Variants in SOCS2 observed in about 807,000 individuals in gnomAD.
SOCS2 encodes CIS-2.
SOCS2 carries 10 observed loss-of-function variants against 18.6 expected under a neutral mutation model. That is an observed-to-expected ratio of 0.54 (90% CI 0.33 to 0.91). The LOEUF (loss-of-function observed/expected upper bound fraction) is 0.91. Ranked by LOEUF, SOCS2 falls within the 40% of genes least tolerant of loss-of-function variation. The pLI, the probability that SOCS2 is intolerant of heterozygous loss-of-function variation, is 0.02. For synonymous variants in SOCS2, 104 were observed against 104.0 expected (o/e 1.00, Z 0.00); for missense variants, 231 against 247.2 (o/e 0.93, Z 0.44).
chr12:93,590,251 A>G, the SOCS2 span, among the ~76,000 whole-genome samples: 1 of 151,948 alleles, frequency 6.6e-6, no homozygotes, highest in Non-Finnish European at 1.5e-5. Context: ...AAAAAAGAAT[A>G]AGCAAGTACT....
chr12:93,601,511 G>A, the SOCS2 span, among the ~76,000 whole-genome samples: 19 of 152,076 alleles, frequency 1.2e-4, no homozygotes, highest in Admixed American at 1.2e-3. Context: ...ATTTCACCAT[G>A]TTGGCCAGGT....
chr12:93,599,900 A>C, the SOCS2 span, among the ~76,000 whole-genome samples: 1 of 152,204 alleles, frequency 6.6e-6, no homozygotes, highest in Non-Finnish European at 1.5e-5. Flanking sequence ...AAAATTCTTC[A>C]TATGTTACCC....
the SOCS2 span, among the ~76,000 whole-genome samples, chr12:93,614,536 C>CTTCCTTCTTTCTTTCT: frequency 1.6e-5 from 1 of 60,920 alleles, no homozygotes; most frequent in Non-Finnish European, 2.7e-5. Context: ...TCCTTCCTTC[C>CTTCCTTCTTTCTTTCT]TTCCTTCTTT....
At chr12:93,572,637 G>T (rs1266616966), upstream of SOCS2, 1 of 585,402 alleles carries the variant, frequency 1.7e-6, no homozygotes, top group Non-Finnish European at 3.2e-6. The surrounding 1 kb of genome is among the most constrained non-coding windows in gnomAD (Gnocchi z 5.0). Flanking sequence ...CACCCCAGCC[G>T]CAGGGGTCCA....
chr12:93,608,497 C>T, the SOCS2 span, among the ~76,000 whole-genome samples: 9 of 152,186 alleles, frequency 5.9e-5, no homozygotes, highest in African/African-American at 1.9e-4. Flanking sequence ...TTCAGGATGA[C>T]ATCACTTACT....
chr12:93,581,326 T>A (rs1954536331), downstream of SOCS2, among the ~76,000 whole-genome samples: 1 of 152,192 alleles, frequency 6.6e-6, no homozygotes, highest in African/African-American at 2.4e-5. Flanking sequence ...AATTGAGACC[T>A]CATTAGGGTA....
the SOCS2 span, among the ~76,000 whole-genome samples, chr12:93,602,236 C>A: frequency 6.6e-6 from 1 of 152,062 alleles, no homozygotes; most frequent in African/African-American, 2.4e-5. Flanking sequence ...CAGGTGTGTG[C>A]CACTCCACCT....
chr12:93,572,443 C>T (rs972510230), upstream of SOCS2: 12 of 352,488 alleles, frequency 3.4e-5, no homozygotes, highest in Non-Finnish European at 5.0e-5. This position sits in a 1 kb window ranked among gnomAD's most constrained non-coding sequence, Gnocchi z 5.0. Context: ...GGGAAGACAC[C>T]CTGTTCACCC....
the SOCS2 span, among the ~76,000 whole-genome samples, chr12:93,593,478 A>C: frequency 6.6e-6 from 1 of 152,252 alleles, no homozygotes; most frequent in African/African-American, 2.4e-5. Context: ...TTAAATTAAA[A>C]TCAAATTTTA....
At chr12:93,606,385 A>G in the SOCS2 span, among the ~76,000 whole-genome samples, 7,596 of 152,168 alleles carry the variant, frequency 0.05, 441 homozygotes, top group African/African-American at 0.14. Flanking sequence ...CCCATTCAAC[A>G]CATCAGAAAA....
At chr12:93,613,426 A>C in the SOCS2 span, among the ~76,000 whole-genome samples, 254 of 152,178 alleles carry the variant, frequency 1.7e-3, 1 homozygote, top group African/African-American at 5.9e-3. Context: ...AACCAAAAAC[A>C]AAAACAAACA....
At chr12:93,618,641 C>A in the SOCS2 span, among the ~76,000 whole-genome samples, 1 of 152,216 alleles carries the variant, frequency 6.6e-6, no homozygotes, top group African/African-American at 2.4e-5. Context: ...TCTCCCAGAT[C>A]TTTGGATTGC....
the SOCS2 span, among the ~76,000 whole-genome samples, chr12:93,594,875 A>G: frequency 3.9e-5 from 6 of 152,212 alleles, no homozygotes; most frequent in Admixed American, 1.3e-4. Context: ...TACATGAACT[A>G]GTTTTTACTA....
chr12:93,586,039 T>C (rs1287684422), downstream of SOCS2, among the ~76,000 whole-genome samples: 1 of 152,236 alleles, frequency 6.6e-6, no homozygotes, highest in Non-Finnish European at 1.5e-5. Context: ...ATTGTTATTT[T>C]TTATTGCTTT....
chr12:93,578,803 C>T (rs1409204864), downstream of SOCS2, among the ~76,000 whole-genome samples: 1 of 152,072 alleles, frequency 6.6e-6, no homozygotes, highest in Non-Finnish European at 1.5e-5. Context: ...TTGCACGCTC[C>T]TACCCTTTGA....
chr12:93,616,865 C>T, the SOCS2 span, among the ~76,000 whole-genome samples: 1 of 152,288 alleles, frequency 6.6e-6, no homozygotes, highest in Middle Eastern at 3.4e-3. Flanking sequence ...GCTGATTCAG[C>T]TGGATGTTTC....
the SOCS2 span, among the ~76,000 whole-genome samples, chr12:93,598,821 A>G: frequency 6.6e-6 from 1 of 152,232 alleles, no homozygotes; most frequent in African/African-American, 2.4e-5. Flanking sequence ...GTTTGTGGAT[A>G]GGATACTAGA....
downstream of SOCS2, among the ~76,000 whole-genome samples, chr12:93,583,689 T>A (rs3825198): frequency 0.23 from 34,242 of 151,906 alleles, 3,911 homozygotes; most frequent in East Asian, 0.3. Flanking sequence ...AGGCCATGGG[T>A]TTTATTACGT....
chr12:93,612,823 G>T, the SOCS2 span, among the ~76,000 whole-genome samples: 35 of 152,198 alleles, frequency 2.3e-4, no homozygotes, highest in African/African-American at 8.2e-4. Flanking sequence ...TTCTTTAAAG[G>T]CAATGTAACC....
Sources: allele counts gnomAD v4.1 joint callset (sites outside exome capture counted in the v4.1 genomes callset), GRCh38; gene constraint gnomAD v4.1.1; non-coding constraint Gnocchi (gnomAD v3.1); transcripts MANE v1.5; gene names NCBI Gene and HGNC (gene_info 2026-07-23, HGNC 2026-07-21).